The following LARS1 variants were observed in gnomAD, a reference collection of about 807,000 sequenced individuals.
LARS1 encodes the protein leucyl-tRNA synthetase 1.
LARS1 carries 100 observed loss-of-function variants against 162.8 expected under a neutral mutation model. That is an observed-to-expected ratio of 0.61 (90% confidence interval 0.52 to 0.73). The LOEUF (loss-of-function observed/expected upper bound fraction) is 0.73, where lower values mean the gene tolerates loss of function less well. Among genes scored for constraint, LARS1 ranks in the 30% least tolerant of loss-of-function variants. The pLI, the probability that LARS1 is intolerant of heterozygous loss-of-function variation, is 0.00. For synonymous variants in LARS1, 457 were observed against 462.8 expected, an observed-to-expected ratio of 0.99 and a Z score of 0.16; for missense variants, 1,258 against 1,408.9, an observed-to-expected ratio of 0.89 and a Z score of 1.71.
At position 146,139,859 on chromosome 5, in the gene LARS1, C is replaced by T. The variant is rs183107833; in HGVS notation, c.2148+345G>A. Among the ~76,000 whole-genome samples the T allele has an allele frequency of 1.7e-3, 179 of 107,938 alleles. 1 individual carries two copies. Among genetic ancestry groups the T allele is most frequent in the Non-Finnish European group, 1.2e-3 (73 of 59,752 alleles). 70.8% of individuals were successfully genotyped at this position (107,938 alleles called of 152,430 possible). ...CACTGCACTCCAGTGTGGGAGACAG[C>T]GAGACTCCGTCTCAAAAAAAAAAAA... is the stretch of plus-strand genomic sequence containing the variant. On this transcript the variant is annotated intron_variant, in intron 21 of 31. Coordinates refer to ENST00000394434, the MANE Select transcript of LARS1 (RefSeq NM_020117.11).
intron 4 of LARS1, 45 bp downstream of exon 4, chr5:146,171,865 G>A (rs1291827869): frequency 1.7e-5 from 24 of 1,410,322 alleles, no homozygotes; most frequent in Non-Finnish European, 2.1e-5. Context: ...ATTACTATTT[G>A]CTCCAACTAA....
At position 146,121,034 on chromosome 5, in the gene LARS1, A is replaced by G. The variant is rs1751798007; in HGVS notation, c.3193-531T>C. ...GAAAAAAGTCAAATGAGTCTTGTGAAAGACTTAAATACATAGTATCTTAAT... is the reference window on the plus strand; with the variant it reads ...GAAAAAAGTCAAATGAGTCTTGTGAGAGACTTAAATACATAGTATCTTAAT... On this transcript the variant is annotated intron_variant, in intron 30 of 31. Transcript: ENST00000394434. 2.6e-5 allele frequency among the ~76,000 whole-genome samples: 4 copies of G among 152,296 alleles called. No homozygotes were observed. In the South Asian group the frequency reaches 8.3e-4, roughly 32 times the overall value.
intron 20 of LARS1, among the ~76,000 whole-genome samples, chr5:146,141,633 G>A (rs187825909): frequency 9.2e-5 from 14 of 151,476 alleles, no homozygotes; most frequent in African/African-American, 2.9e-4. Flanking sequence ...GTGAGACCTC[G>A]TCTCTACAAA....
At chr5:146,148,759 G>A (rs1010471324) in intron 15 of LARS1, among the ~76,000 whole-genome samples, 1 of 151,924 alleles carries the variant, frequency 6.6e-6, no homozygotes, top group Non-Finnish European at 1.5e-5. Context: ...CACATTACAA[G>A]CATTTAGGTC....
intron 18 of LARS1, among the ~76,000 whole-genome samples, 192 bp downstream of exon 18, chr5:146,144,075 T>C (rs547757728): frequency 1.3e-3 from 198 of 152,268 alleles, no homozygotes; most frequent in Non-Finnish European, 2.5e-3. Context: ...AAAATCTATA[T>C]AGAGAGGGCA....
intron 27 of LARS1, among the ~76,000 whole-genome samples, chr5:146,128,315 T>A (rs901698827): frequency 4.6e-5 from 7 of 152,118 alleles, no homozygotes; most frequent in African/African-American, 1.7e-4. Flanking sequence ...AATGAATGAA[T>A]AAATTTAATG....
intron 15 of LARS1, among the ~76,000 whole-genome samples, chr5:146,146,790 T>C (rs1398294195): frequency 6.6e-6 from 1 of 151,562 alleles, no homozygotes; most frequent in East Asian, 1.9e-4. Flanking sequence ...CTCGACTCAC[T>C]GCAACCTCTG....
Position 146,130,007 on chromosome 5 carries a change from C to T in LARS1, c.2628+11G>A. On this transcript the variant is annotated intron_variant, in intron 25 of 31. Coordinates refer to ENST00000394434, the MANE Select transcript of LARS1 (RefSeq NM_020117.11). Reference sequence around the variant, plus strand: ...AAAACCACTCGAAACATTTTAAATGCATGAAGGTACCTTTCCCAGGAGTGT... The same window carrying T: ...AAAACCACTCGAAACATTTTAAATGTATGAAGGTACCTTTCCCAGGAGTGT... The T allele has an allele frequency of 6.3e-7, 1 of 1,596,618 alleles. No individual in the cohort carries two copies. The highest frequency in any genetic ancestry group is 8.5e-7 in the Non-Finnish European group (1 of 1,173,730).
chr5:146,114,741 A>G (rs545564542), intron 31 of LARS1, among the ~76,000 whole-genome samples: 17 of 151,954 alleles, frequency 1.1e-4, no homozygotes, highest in African/African-American at 3.9e-4. Flanking sequence ...ATCTCAAACA[A>G]ACAAACAAAC....
chr5:146,122,510 A>G lies in LARS1; in HGVS notation c.3174T>C (p.Leu1058=). ...AACTTACTTCTATTCTAAAAACATT[A>G]AGTGGTTTCCCAGGACAGCAGTCTT... ...IREDCCPGKP[L]NVFRIEPGVS... is the part of the protein sequence containing the mutation. Residue 1058 remains leucine, a synonymous_variant, in exon 30 of 32, where the codon CTT becomes CTC. Coordinates refer to ENST00000394434, the MANE Select transcript of LARS1 (RefSeq NM_020117.11). 4 of 1,598,944 alleles carry G rather than the reference A, an allele frequency of 2.5e-6. No individual in the cohort carries two copies. The South Asian group carries it at 3.3e-5, about 13-fold the overall frequency.
At chr5:146,142,738 A>G in intron 20 of LARS1, 134 bp downstream of exon 20, 3 of 696,752 alleles carry the variant, frequency 4.3e-6, no homozygotes, top group Non-Finnish European at 7.0e-6. Context: ...TTTAGTACAT[A>G]TTTAAGATAA....
chr5:146,157,896 C>A, intron 8 of LARS1, 101 bp from the exon 9 acceptor site: 1 of 1,136,984 alleles, frequency 8.8e-7, no homozygotes, highest in Non-Finnish European at 1.3e-6. Context: ...AAAATGGGTT[C>A]TTGCATTATT....
At position 146,168,273 on chromosome 5, in the gene LARS1, G is replaced by A. The variant is rs771125768; in HGVS notation, c.295-8C>T. 3.2e-6 allele frequency: 5 copies of A among 1,586,348 alleles called. No individual in the cohort carries two copies. Among genetic ancestry groups the A allele is most frequent in the Non-Finnish European group, 3.4e-6 (4 of 1,171,086 alleles). Reference sequence around the variant, plus strand: ...CAACTTATCAGCACATGCCTACAACGAATATTAGAGATAATGAAGTTCAAA... The same window carrying A: ...CAACTTATCAGCACATGCCTACAACAAATATTAGAGATAATGAAGTTCAAA... On this transcript the variant is annotated splice_polypyrimidine_tract_variant and splice_region_variant and intron_variant, in intron 4 of 31. Transcript: ENST00000394434.
At chr5:146,120,328 T>G (rs188136647) in intron 31 of LARS1, 43 bp downstream of exon 31, 11 of 1,607,018 alleles carry the variant, frequency 6.8e-6, no homozygotes, top group Middle Eastern at 1.7e-4. Flanking sequence ...ACTCACCAAA[T>G]CTACAAGCTA....
chr5:146,132,806 A>T lies in LARS1; in HGVS notation c.2396+92T>A, dbSNP rs1475782827. On this transcript the variant is annotated intron_variant, in intron 23 of 31. Coordinates refer to ENST00000394434, the MANE Select transcript of LARS1 (RefSeq NM_020117.11). ...TTATTATCATTAGTTTATTTTATTA[A>T]AAAAAAAAAAGAAAAGAAAAGAAAA... 1.3e-5 allele frequency: 7 copies of T among 521,222 alleles called. 1 individual carries two copies. Among genetic ancestry groups the T allele is most frequent in the Admixed American group, 1.2e-4 (2 of 16,524 alleles). The allele number at this position is 521,222 out of a possible 1,614,324, so 32.3% of individuals were successfully genotyped here.
chr5:146,172,569 T>C, intron 3 of LARS1, 118 bp downstream of exon 3: 2 of 470,016 alleles, frequency 4.3e-6, no homozygotes, highest in Admixed American at 4.2e-5. Flanking sequence ...AAATTATGCT[T>C]TAAGGAATTT....
intron 1 of LARS1, among the ~76,000 whole-genome samples, chr5:146,180,359 C>G (rs562650897): frequency 1.1e-3 from 172 of 152,180 alleles, no homozygotes; most frequent in Non-Finnish European, 1.5e-3. Context: ...ATGGTGAAAC[C>G]ACAACTATAC....
chr5:146,176,010 G>C (rs1203180297), intron 2 of LARS1, among the ~76,000 whole-genome samples: 1 of 151,978 alleles, frequency 6.6e-6, no homozygotes, highest in African/African-American at 2.4e-5. Flanking sequence ...AAATTAGCCA[G>C]GCATGGTGGC....
At chr5:146,146,472 G>GATAAA (rs1753012631) in intron 15 of LARS1, among the ~76,000 whole-genome samples, 1 of 69,384 alleles carries the variant, frequency 1.4e-5, no homozygotes, top group Non-Finnish European at 2.8e-5. Flanking sequence ...GATAATATAA[G>GATAAA]ATAAAATAAA....
Sources: allele counts gnomAD v4.1 joint callset (sites outside exome capture counted in the v4.1 genomes callset), GRCh38; gene constraint gnomAD v4.1.1; transcripts MANE v1.5; gene names NCBI Gene and HGNC (gene_info 2026-07-23, HGNC 2026-07-21).